L3MBTL4: variants seen among roughly 807,000 people sequenced by gnomAD.
L3MBTL4 encodes L3MBTL histone methyl-lysine binding protein 4.
Under a neutral mutation model 84.5 loss-of-function variants are expected in L3MBTL4, and 70 were observed. That is an observed-to-expected ratio of 0.83 (90% CI 0.68 to 1.01). L3MBTL4 has a LOEUF of 1.01. Among genes scored for constraint, L3MBTL4 ranks in the 50% least tolerant of loss-of-function variants. L3MBTL4 has a pLI of 0.00. For missense variants in L3MBTL4, 715 were observed against 754.8 expected, an observed-to-expected ratio of 0.95 and a Z score of 0.62; for synonymous variants, 274 against 259.8, an observed-to-expected ratio of 1.05 and a Z score of -0.52.
intron 15 of L3MBTL4, among the ~76,000 whole-genome samples, chr18:6,086,732 T>A (rs1397121151): frequency 6.6e-6 from 1 of 152,216 alleles, no homozygotes; most frequent in East Asian, 1.9e-4. Flanking sequence ...CTACTCCGCA[T>A]TACTTCCCTA....
At chr18:6,368,995 T>C (rs1308978854) in intron 1 of L3MBTL4, among the ~76,000 whole-genome samples, 1 of 149,990 alleles carries the variant, frequency 6.7e-6, no homozygotes, top group African/African-American at 2.5e-5. Context: ...TGAGCCGAGA[T>C]CTCGCCACTG....
intron 4 of L3MBTL4, among the ~76,000 whole-genome samples, chr18:6,279,845 A>G (rs1459483727): frequency 1.3e-5 from 2 of 152,158 alleles, no homozygotes; most frequent in Non-Finnish European, 1.5e-5. Context: ...TTTCCTCTAT[A>G]TATCCTAGAG....
chr18:6,305,942 G>C (rs1171950958), intron 3 of L3MBTL4, among the ~76,000 whole-genome samples: 2 of 152,126 alleles, frequency 1.3e-5, no homozygotes, highest in African/African-American at 4.8e-5. Flanking sequence ...TCATCACCTT[G>C]GAACTGCCAG....
chr18:6,081,625 C>T (rs1445020496), intron 15 of L3MBTL4, among the ~76,000 whole-genome samples: 1 of 152,082 alleles, frequency 6.6e-6, no homozygotes, highest in Non-Finnish European at 1.5e-5. Flanking sequence ...TTATATCTTG[C>T]TTTGCACATG....
chr18:6,246,738 T>C (rs1405204008), intron 5 of L3MBTL4, among the ~76,000 whole-genome samples: 2 of 152,142 alleles, frequency 1.3e-5, no homozygotes, highest in African/African-American at 2.4e-5. Context: ...ACCCCATCTC[T>C]ACTAAAAATA....
intron 16 of L3MBTL4, chr18:6,031,308 TG>T: frequency 1.0e-6 from 1 of 985,432 alleles, no homozygotes; most frequent in Non-Finnish European, 1.2e-6. Flanking sequence ...CCTGGGCATT[TG>T]GGTTATAGGT....
intron 1 of L3MBTL4, among the ~76,000 whole-genome samples, chr18:6,326,960 AGG>A (rs1175820058): frequency 1.3e-5 from 2 of 152,222 alleles, no homozygotes; most frequent in Non-Finnish European, 2.9e-5. Context: ...AGTTATGCAC[AGG>A]GGAAAATAAC....
intron 15 of L3MBTL4, among the ~76,000 whole-genome samples, chr18:6,091,881 C>T (rs1011807841): frequency 2.0e-5 from 3 of 152,072 alleles, no homozygotes; most frequent in Non-Finnish European, 4.4e-5. Context: ...ATGTACTGGT[C>T]TCTATGATTC....
intron 10 of L3MBTL4, among the ~76,000 whole-genome samples, chr18:6,219,327 T>C (rs1042469807): frequency 1.3e-5 from 2 of 151,908 alleles, no homozygotes; most frequent in Non-Finnish European, 2.9e-5. Flanking sequence ...GGCCAAGGCA[T>C]AGAACTGCGA....
At chr18:6,198,592 C>G (rs892485967) in intron 12 of L3MBTL4, among the ~76,000 whole-genome samples, 1 of 152,138 alleles carries the variant, frequency 6.6e-6, no homozygotes, top group Non-Finnish European at 1.5e-5. Context: ...TCCAAGCCAC[C>G]TGCTTTAAGC....
intron 16 of L3MBTL4, among the ~76,000 whole-genome samples, chr18:6,038,134 T>G (rs1174418296): frequency 6.6e-6 from 1 of 152,148 alleles, no homozygotes; most frequent in Non-Finnish European, 1.5e-5. Flanking sequence ...GATTGAATAT[T>G]TATGTCACAA....
intron 11 of L3MBTL4, among the ~76,000 whole-genome samples, chr18:6,214,673 C>T (rs2046250858): frequency 6.6e-6 from 1 of 152,144 alleles, no homozygotes; most frequent in Non-Finnish European, 1.5e-5. Flanking sequence ...AGTATACTGA[C>T]TGTAATTAGG....
intron 16 of L3MBTL4, among the ~76,000 whole-genome samples, chr18:6,042,283 C>T (rs1295059805): frequency 2.6e-5 from 4 of 152,128 alleles, no homozygotes; most frequent in East Asian, 1.9e-4. Context: ...AGTTCAACCT[C>T]TCCTTCTCAC....
At chr18:6,379,353 T>C (rs1210745371) in intron 1 of L3MBTL4, among the ~76,000 whole-genome samples, 2 of 152,206 alleles carry the variant, frequency 1.3e-5, no homozygotes, top group African/African-American at 2.4e-5. Context: ...TCCAATACTA[T>C]GTTGAATAGG....
At chr18:6,363,922 C>G (rs987821097) in intron 1 of L3MBTL4, among the ~76,000 whole-genome samples, 2 of 152,152 alleles carry the variant, frequency 1.3e-5, no homozygotes, top group East Asian at 3.9e-4. Flanking sequence ...CATGCTCCCT[C>G]GACATCTAAC....
chr18:6,310,860 A>G (rs1161897776), intron 3 of L3MBTL4, among the ~76,000 whole-genome samples: 1 of 152,212 alleles, frequency 6.6e-6, no homozygotes, highest in East Asian at 1.9e-4. Flanking sequence ...GTTTTTAGAT[A>G]TGATTAATAT....
At chr18:6,028,177 G>A (rs925827890) in intron 16 of L3MBTL4, among the ~76,000 whole-genome samples, 6 of 152,042 alleles carry the variant, frequency 3.9e-5, no homozygotes, top group African/African-American at 9.7e-5. Flanking sequence ...TGGGTTTTAC[G>A]TTTAAGTCTT....
intron 13 of L3MBTL4, among the ~76,000 whole-genome samples, chr18:6,138,844 T>A (rs1259624367): frequency 6.6e-6 from 1 of 152,142 alleles, no homozygotes; most frequent in Non-Finnish European, 1.5e-5. Flanking sequence ...GAGAAATTTT[T>A]AAAAATAGAT....
intron 16 of L3MBTL4, among the ~76,000 whole-genome samples, chr18:6,018,127 C>T (rs1219587518): frequency 6.6e-6 from 1 of 152,076 alleles, no homozygotes; most frequent in Non-Finnish European, 1.5e-5. Context: ...GAAGAGGAGA[C>T]TCACGGTAGA....
Sources: allele counts gnomAD v4.1 joint callset (sites outside exome capture counted in the v4.1 genomes callset), GRCh38; gene constraint gnomAD v4.1.1; transcripts MANE v1.5; gene names NCBI Gene and HGNC (gene_info 2026-07-23, HGNC 2026-07-21).